PXDNL: variants seen among roughly 807,000 people sequenced by gnomAD.
PXDNL encodes the protein probable oxidoreductase PXDNL.
In PXDNL, 145 loss-of-function variants were observed where a neutral mutation model predicts 150.8. The ratio of observed to expected loss-of-function variants is 0.96; its 90% CI spans 0.84 to 1.10. The LOEUF (loss-of-function observed/expected upper bound fraction) is 1.10. Ranked by LOEUF, PXDNL falls within the 50% of genes least tolerant of loss-of-function variation. PXDNL has a pLI of 0.00. For synonymous variants in PXDNL, 757 were observed against 725.7 expected, an observed-to-expected ratio of 1.04 and a Z score of -0.69; for missense variants, 2,087 against 1,873.9, an observed-to-expected ratio of 1.11 and a Z score of -2.10.
At chr8:51,502,399 A>T (rs1332504855) in intron 4 of PXDNL, among the ~76,000 whole-genome samples, 2 of 152,200 alleles carry the variant, frequency 1.3e-5, no homozygotes, top group Admixed American at 6.5e-5. Context: ...GCCCAAAGCC[A>T]CAAAGCCAAT....
intron 5 of PXDNL, among the ~76,000 whole-genome samples, chr8:51,490,054 T>C (rs1352563158): frequency 6.6e-6 from 1 of 152,200 alleles, no homozygotes; most frequent in Non-Finnish European, 1.5e-5. Flanking sequence ...ACATGGTTTA[T>C]ATAATTTGAT....
chr8:51,408,349 A>G lies in PXDNL; in HGVS notation c.3275T>C (p.Ile1092Thr), dbSNP rs566662597. The G allele has an allele frequency of 2.0e-4, 325 of 1,614,028 alleles. 7 individuals are homozygous for G. In the South Asian group the frequency reaches 3.5e-3, roughly 17 times the overall value. ...HKALFSPSRI[I>T]KEGGIDPVLR... ...AACCGGGTCTATCCCACCTTCCTTG[A>G]TTATTCTGGACGGTGAAAAGAGCGC... is the stretch of plus-strand genomic sequence containing the variant. The change falls in exon 17 of 23, where the codon ATC becomes ACC. Residue 1092 changes from isoleucine (I) to threonine (T), a missense_variant. By Grantham distance (89) the Ile-to-Thr change is moderately conservative (BLOSUM62 -1). Coordinates refer to ENST00000356297, the MANE Select transcript of PXDNL (RefSeq NM_144651.5).
Position 51,409,029 on chromosome 8 carries a change from G to A in PXDNL, c.2595C>T (p.Ser865=), listed in dbSNP as rs750082500. The part of the protein sequence containing the change: ...THAPCMLFAR[S]SPACASGRPS... The stretch of plus-strand genomic sequence containing the variant: ...GACGGCCGCTGGCACACGCGGGGCT[G>A]GAGCGCGCGAAGAGCATGCAGGGCG... The change falls in exon 17 of 23, where the codon TCC becomes TCT. Residue 865 remains serine, a synonymous_variant. Coordinates refer to ENST00000356297, the MANE Select transcript of PXDNL (RefSeq NM_144651.5). 6 of 1,610,500 alleles carry A rather than the reference G, an allele frequency of 3.7e-6. No individual in the cohort carries two copies. Among genetic ancestry groups the A allele is most frequent in the Admixed American group, 1.7e-5 (1 of 59,988 alleles).
intron 16 of PXDNL, among the ~76,000 whole-genome samples, chr8:51,410,794 A>G (rs1808610695): frequency 6.6e-6 from 1 of 152,182 alleles, no homozygotes; most frequent in Non-Finnish European, 1.5e-5. Flanking sequence ...CCAAAAAACA[A>G]AACAACAACA....
In PXDNL at chr8:51,541,253, T is replaced by TAAATAAAGAAA. The variant is rs1554551076; in HGVS notation, c.380+15586_380+15587insTTTCTTTATTT. On this transcript the variant is annotated intron_variant, in intron 4 of 22. Coordinates refer to ENST00000356297, the MANE Select transcript of PXDNL (RefSeq NM_144651.5). The stretch of plus-strand genomic sequence containing the variant: ...GGCCTGGCGACAGAGTGAGACTCCA[T>TAAATAAAGAAA]AAAAAAAAAAAAAAAAAGAATATTG... 4.3e-3 allele frequency among the ~76,000 whole-genome samples: 545 copies of TAAATAAAGAAA among 127,206 alleles called. 5 individuals are homozygous for TAAATAAAGAAA. Among genetic ancestry groups the TAAATAAAGAAA allele is most frequent in the African/African-American group, 0.014 (479 of 33,898 alleles). The allele number at this position is 127,206 out of a possible 152,430, so 83.5% of individuals were successfully genotyped here.
At chr8:51,796,614 A>G (rs1563323875) in intron 1 of PXDNL, among the ~76,000 whole-genome samples, 1 of 152,216 alleles carries the variant, frequency 6.6e-6, no homozygotes, top group Non-Finnish European at 1.5e-5. Flanking sequence ...CCCTTTCAAG[A>G]CTAAACCAGG....
chr8:51,425,434 C>T (rs1384185529), intron 13 of PXDNL, among the ~76,000 whole-genome samples: 1 of 152,050 alleles, frequency 6.6e-6, no homozygotes, highest in South Asian at 2.1e-4. Flanking sequence ...CGTACAGTGT[C>T]GAATAAGGCT....
At chr8:51,432,738 T>C (rs1168509835) in intron 12 of PXDNL, among the ~76,000 whole-genome samples, 1 of 152,254 alleles carries the variant, frequency 6.6e-6, no homozygotes, top group African/African-American at 2.4e-5. Flanking sequence ...TTAGGTCTGA[T>C]AGTTTATTTG....
intron 2 of PXDNL, among the ~76,000 whole-genome samples, chr8:51,620,309 GA>G (rs1814223905): frequency 6.6e-6 from 1 of 152,016 alleles, no homozygotes; most frequent in African/African-American, 2.4e-5. Context: ...CTCTAATCCT[GA>G]AGAGGTCAAA....
chr8:51,376,372 G>C (rs1278866181), intron 17 of PXDNL, among the ~76,000 whole-genome samples: 1 of 152,058 alleles, frequency 6.6e-6, no homozygotes, highest in Non-Finnish European at 1.5e-5. Context: ...CTCCTTCTTG[G>C]TTTCTGATAA....
At chr8:51,532,926 T>G (rs768684432) in intron 4 of PXDNL, among the ~76,000 whole-genome samples, 13 of 152,182 alleles carry the variant, frequency 8.5e-5, no homozygotes, top group Admixed American at 4.6e-4. Context: ...CTTTTTTGAT[T>G]AAGCCACAAC....
intron 3 of PXDNL, 39 bp from the exon 4 acceptor site, chr8:51,556,950 T>C (rs1812613573): frequency 1.7e-6 from 2 of 1,189,258 alleles, no homozygotes; most frequent in Non-Finnish European, 1.3e-6. Flanking sequence ...TATAAATTAG[T>C]AGAGATACCA....
chr8:51,640,692 G>C (rs1029867580), intron 2 of PXDNL, among the ~76,000 whole-genome samples: 10 of 152,082 alleles, frequency 6.6e-5, no homozygotes, highest in Non-Finnish European at 4.4e-5. Context: ...ACACTGCTCA[G>C]TGAAATTAAA....
chr8:51,494,375 A>G (rs1810986669), intron 5 of PXDNL, among the ~76,000 whole-genome samples: 1 of 152,106 alleles, frequency 6.6e-6, no homozygotes, highest in Non-Finnish European at 1.5e-5. Context: ...GCACCAACTA[A>G]TGAGAAAATA....
intron 1 of PXDNL, among the ~76,000 whole-genome samples, chr8:51,749,925 TTC>T (rs2037026209): frequency 6.6e-6 from 1 of 152,114 alleles, no homozygotes; most frequent in African/African-American, 2.4e-5. Context: ...GGTCTCGATC[TTC>T]TGACCTTGTG....
chr8:51,575,509 G>C (rs551278486), intron 3 of PXDNL, among the ~76,000 whole-genome samples: 11 of 152,232 alleles, frequency 7.2e-5, no homozygotes, highest in African/African-American at 2.6e-4. Flanking sequence ...GAGGTCAGGA[G>C]TTCTAGACCA....
At chr8:51,793,347 T>C (rs753702668) in intron 1 of PXDNL, among the ~76,000 whole-genome samples, 20 of 151,890 alleles carry the variant, frequency 1.3e-4, no homozygotes, top group Non-Finnish European at 2.4e-4. Flanking sequence ...GCCTCAAAGA[T>C]CAAAACCAGA....
intron 1 of PXDNL, among the ~76,000 whole-genome samples, chr8:51,771,143 A>G (rs972192998): frequency 6.6e-6 from 1 of 152,230 alleles, no homozygotes; most frequent in African/African-American, 2.4e-5. Context: ...AATATGTCCA[A>G]AATAAAAATA....
At chr8:51,756,415 A>AAGAGAAAG (rs1397152136) in intron 1 of PXDNL, among the ~76,000 whole-genome samples, 1 of 151,768 alleles carries the variant, frequency 6.6e-6, no homozygotes, top group Admixed American at 6.6e-5. Context: ...AAAGGAAAGA[A>AAGAGAAAG]AGAGAAAGAG....
Sources: gnomAD v4.1 joint callset for allele counts (sites outside exome capture counted in the v4.1 genomes callset) on GRCh38, gnomAD v4.1.1 for gene constraint, MANE v1.5 for transcripts, NCBI Gene and HGNC (gene_info 2026-07-23, HGNC 2026-07-21) for gene names.